SVIL: variants seen among roughly 807,000 people sequenced by gnomAD.
The protein encoded by SVIL is supervillin.
In SVIL, 101 loss-of-function variants were observed where a neutral mutation model predicts 240.4. The observed-to-expected ratio is 0.42, with a 90% CI of 0.36 to 0.50. SVIL has a LOEUF of 0.50. Among genes scored for constraint, SVIL ranks in the 20% least tolerant of loss-of-function variants. The probability of loss-of-function intolerance (pLI) is 0.01; values close to 1 mark genes in which losing one functional copy is unlikely to be tolerated. For missense variants in SVIL, 2,512 were observed against 2,818.7 expected (o/e 0.89, Z 2.46); for synonymous variants, 999 against 1,100.0 (o/e 0.91, Z 1.82).
intron 3 of SVIL, among the ~76,000 whole-genome samples, chr10:29,556,533 G>C: frequency 6.6e-6 from 1 of 152,104 alleles, no homozygotes; most frequent in East Asian, 1.9e-4. Context: ...TTAAGTGATA[G>C]CCACCTTAAA....
In SVIL at chr10:29,471,140, T is replaced by C; in HGVS notation, c.5633A>G (p.Gln1878Arg). Residue 1878 changes from glutamine (Q) to arginine (R), a missense_variant and splice_region_variant, in exon 31 of 38, where the codon CAA (glutamine) becomes CGA (arginine). Around this residue, in one of 3 missense-constraint regions of SVIL, gnomAD observed 797 missense variants for 925.3 expected, o/e 0.86. Coordinates refer to ENST00000355867, the MANE Select transcript of SVIL (RefSeq NM_021738.3). ...GRREEEEENVQSEWRLYCVRG... is the reference protein window; with the variant it reads ...GRREEEEENVRSEWRLYCVRG... ...TTCCAGCAGTAAAAGTGACTTACTTTGCACATTTTCTTCTTCCTCTTCCCG... is the reference window on the plus strand; with the variant it reads ...TTCCAGCAGTAAAAGTGACTTACTTCGCACATTTTCTTCTTCCTCTTCCCG... 1 of 1,613,162 alleles carries C rather than the reference T, an allele frequency of 6.2e-7. No homozygotes were observed. The highest frequency in any genetic ancestry group is 8.5e-7 in the Non-Finnish European group (1 of 1,179,624).
chr10:29,595,197 G>A (rs78027686), intron 1 of SVIL, among the ~76,000 whole-genome samples: 4,393 of 152,116 alleles, frequency 0.029, 128 homozygotes, highest in South Asian at 0.13. Flanking sequence ...CAGGAAGCTG[G>A]GAAATGACTG....
chr10:29,712,102 T>G (rs1046907258), intron 1 of SVIL: 2 of 152,184 alleles, frequency 1.3e-5, no homozygotes, highest in Non-Finnish European at 2.9e-5. Flanking sequence ...GTTGTGATAT[T>G]AGAATTATAG....
At chr10:29,697,049 G>A (rs1355497546) in intron 1 of SVIL, among the ~76,000 whole-genome samples, 11 of 133,192 alleles carry the variant, frequency 8.3e-5, no homozygotes, top group Admixed American at 2.9e-4. Flanking sequence ...CAGCCGCCCC[G>A]TCCGGGAGGT....
chr10:29,494,582 G>C (rs897175914), intron 20 of SVIL, among the ~76,000 whole-genome samples: 3 of 152,074 alleles, frequency 2.0e-5, no homozygotes, highest in Non-Finnish European at 2.9e-5. Context: ...AATAATATTA[G>C]CTTTTACCTT....
At chr10:29,571,701 TTGA>T (rs1955426671) in intron 1 of SVIL, among the ~76,000 whole-genome samples, 1 of 152,222 alleles carries the variant, frequency 6.6e-6, no homozygotes, top group Non-Finnish European at 1.5e-5. Flanking sequence ...CAATATGTAG[TTGA>T]TGAGCTCAAG....
chr10:29,646,955 C>T (rs550595521), intron 3 of SVIL, among the ~76,000 whole-genome samples: 99 of 152,290 alleles, frequency 6.5e-4, no homozygotes, highest in African/African-American at 2.3e-3. Context: ...CTCATCCGTT[C>T]CACCTTCTGA....
intron 27 of SVIL, chr10:29,483,760 CTT>C (rs1165791016): frequency 1.3e-5 from 2 of 152,166 alleles, no homozygotes; most frequent in African/African-American, 4.8e-5. Flanking sequence ...GACTTTAAAA[CTT>C]ATCACACTGC....
intron 1 of SVIL, among the ~76,000 whole-genome samples, chr10:29,722,685 T>A (rs1413426296): frequency 6.6e-6 from 1 of 152,214 alleles, no homozygotes; most frequent in African/African-American, 2.4e-5. Flanking sequence ...AGGCAGATGC[T>A]TGAATTCTAG....
intron 1 of SVIL, among the ~76,000 whole-genome samples, chr10:29,725,497 G>A (rs922304753): frequency 6.6e-6 from 1 of 152,118 alleles, no homozygotes. Context: ...CTGTATTCAT[G>A]CACACAGATG....
At chr10:29,526,038 A>C (rs1375631651) in intron 13 of SVIL, among the ~76,000 whole-genome samples, 3 of 152,200 alleles carry the variant, frequency 2.0e-5, no homozygotes, top group Non-Finnish European at 4.4e-5. Flanking sequence ...CAGTAAAATG[A>C]AGGGATATGA....
chr10:29,685,994 A>G (rs1309151402), intron 2 of SVIL, among the ~76,000 whole-genome samples: 1 of 152,244 alleles, frequency 6.6e-6, no homozygotes, highest in Non-Finnish European at 1.5e-5. Flanking sequence ...CTTATACTGA[A>G]TTCAAATCTG....
At chr10:29,720,332 A>C (rs1300577344) in intron 1 of SVIL, among the ~76,000 whole-genome samples, 2 of 152,274 alleles carry the variant, frequency 1.3e-5, no homozygotes, top group African/African-American at 4.8e-5. Flanking sequence ...AAAATCTTTC[A>C]TAAACTAAGA....
chr10:29,564,058 C>A (rs1300812389), intron 2 of SVIL, among the ~76,000 whole-genome samples: 4 of 152,100 alleles, frequency 2.6e-5, no homozygotes, highest in African/African-American at 9.7e-5. Context: ...CTTGCCCCGC[C>A]CACCCAGGCC....
At chr10:29,644,596 A>T (rs1371910446) in intron 3 of SVIL, among the ~76,000 whole-genome samples, 3 of 152,180 alleles carry the variant, frequency 2.0e-5, no homozygotes, top group Non-Finnish European at 4.4e-5. Flanking sequence ...ACTTGAACCC[A>T]GGAGGCGGAG....
At chr10:29,646,299 A>T (rs141434303) in intron 3 of SVIL, among the ~76,000 whole-genome samples, 33 of 152,186 alleles carry the variant, frequency 2.2e-4, no homozygotes, top group African/African-American at 7.7e-4. Flanking sequence ...CTCCTTCTCA[A>T]ATACCTCTTT....
chr10:29,546,846 CA>C (rs1307374794), intron 6 of SVIL, among the ~76,000 whole-genome samples: 2 of 151,824 alleles, frequency 1.3e-5, no homozygotes, highest in African/African-American at 2.4e-5. Context: ...ATTTAATAGC[CA>C]AAAATTTGGC....
At chr10:29,714,394 T>C (rs1156338145) in intron 1 of SVIL, among the ~76,000 whole-genome samples, 2 of 152,200 alleles carry the variant, frequency 1.3e-5, no homozygotes, top group Non-Finnish European at 2.9e-5. Flanking sequence ...TGAGGTGAAC[T>C]GATTGGACAC....
At chr10:29,668,621 G>A (rs185329014) in intron 2 of SVIL, among the ~76,000 whole-genome samples, 6 of 152,146 alleles carry the variant, frequency 3.9e-5, no homozygotes, top group Admixed American at 2.0e-4. Context: ...CTACAGGCAC[G>A]TGCTACCACA....
Sources: gnomAD v4.1 joint callset for allele counts (sites outside exome capture counted in the v4.1 genomes callset) on GRCh38, gnomAD v4.1.1 for gene constraint, gnomAD v4.1.1 regional missense constraint, MANE v1.5 for transcripts, NCBI Gene and HGNC (gene_info 2026-07-23, HGNC 2026-07-21) for gene names.